Variants in CDCP2 observed in about 807,000 individuals in gnomAD.
CDCP2 encodes CUB domain-containing protein 2.
CDCP2 carries 31 observed loss-of-function variants against 31.0 expected under a neutral mutation model. The ratio of observed to expected loss-of-function variants is 1.00; its 90% CI spans 0.75 to 1.35. CDCP2 has a LOEUF of 1.35. CDCP2 is among the 40% of genes most tolerant of loss of function. The probability of loss-of-function intolerance (pLI) is 0.00; values close to 1 mark genes in which losing one functional copy is unlikely to be tolerated. For synonymous variants in CDCP2, 206 were observed against 207.9 expected (o/e 0.99, Z 0.08); for missense variants, 443 against 482.6 (o/e 0.92, Z 0.77).
intron 1 of CDCP2, among the ~76,000 whole-genome samples, chr1:54,152,140 G>A (rs2066092): frequency 0.68 from 103,035 of 151,966 alleles, 35,545 homozygotes; most frequent in Non-Finnish European, 0.74. Context: ...AGTGGGATGG[G>A]CAGCAGGGTC....
At chr1:54,148,613 C>G (rs1267997309) in intron 1 of CDCP2, among the ~76,000 whole-genome samples, 1 of 151,368 alleles carries the variant, frequency 6.6e-6, no homozygotes, top group Non-Finnish European at 1.5e-5. Flanking sequence ...GCTAGAGGAA[C>G]ATTTTAAGTA....
At chr1:54,133,212 T>C (rs1659195548) in exon 6 of CDCP2, 2 of 399,004 alleles carry the variant, frequency 5.0e-6, no homozygotes. Context: ...ACAGCGGACC[T>C]CGTACTCATG....
At chr1:54,151,583 A>G (rs9436480) in intron 1 of CDCP2, among the ~76,000 whole-genome samples, 13,649 of 152,156 alleles carry the variant, frequency 0.09, 645 homozygotes, top group South Asian at 0.14. Flanking sequence ...GCCAGAAAAT[A>G]GGAAAAGCTA....
At chr1:54,144,842 C>T in intron 1 of CDCP2, 29 bp from the exon 2 acceptor site, 1 of 1,560,190 alleles carries the variant, frequency 6.4e-7, no homozygotes, top group African/African-American at 1.4e-5. Context: ...ATGGCTGAGA[C>T]TCCGTGCTGG....
chr1:54,141,187 G>T lies in CDCP2; in HGVS notation c.674C>A (p.Thr225Asn), dbSNP rs761629088. ...CAGTTCGTGGCCCAGAGACACGAGG[G>T]TGGGGGGCCTGGTGCTGCCACAGTA... Residue 225 changes from threonine to asparagine, a missense_variant, in exon 3 of 6, where the codon ACC becomes AAC. By Grantham distance (65) the Thr-to-Asn change is moderately conservative (BLOSUM62 0). Transcript: ENST00000530059. 3.8e-6 allele frequency: 6 copies of T among 1,596,650 alleles called. No homozygotes were observed. The African/African-American group carries it at 6.7e-5, about 18-fold the overall frequency.
intron 4 of CDCP2, chr1:54,139,361 G>C (rs1300894389): frequency 3.2e-6 from 2 of 620,364 alleles, no homozygotes; most frequent in East Asian, 2.8e-5. Context: ...TACAAGCAGG[G>C]CTGGTAGACA....
chr1:54,145,046 C>T (rs1659440611), intron 1 of CDCP2, among the ~76,000 whole-genome samples: 1 of 152,124 alleles, frequency 6.6e-6, no homozygotes, highest in Non-Finnish European at 1.5e-5. Context: ...GCTGGGGTCA[C>T]AGCAGAAACA....
intron 2 of CDCP2, chr1:54,144,265 T>A: frequency 1.8e-6 from 1 of 563,120 alleles, no homozygotes; most frequent in East Asian, 3.0e-5. Context: ...CAGAGCAGCC[T>A]ACGTGCCAAG....
rs1354858247 is a variant in CDCP2 at position 54,139,710 on chromosome 1, TC to T, written c.1117+42del. 4.3e-6 allele frequency: 7 copies of T among 1,613,934 alleles called. No individual in the cohort carries two copies. The African/African-American group carries it at 9.3e-5, about 22-fold the overall frequency. On this transcript the variant is annotated intron_variant, in intron 4 of 5. Transcript: ENST00000530059. ...CTGCAAAGACTGAGGCTGCAAAGCC[TC>T]CCCTTCGCCCTCAGTGGACCCACTC...
chr1:54,135,464 T>C (rs1379264601), intron 5 of CDCP2, among the ~76,000 whole-genome samples: 1 of 152,244 alleles, frequency 6.6e-6, no homozygotes, highest in Non-Finnish European at 1.5e-5. Context: ...TCTGATTTTA[T>C]GTTTCCAAGA....
chr1:54,151,084 G>A (rs573439505), intron 1 of CDCP2, among the ~76,000 whole-genome samples: 7 of 152,300 alleles, frequency 4.6e-5, no homozygotes, highest in Non-Finnish European at 1.0e-4. Flanking sequence ...AAGATTTCCA[G>A]AGGGGGTGAT....
In CDCP2 at chr1:54,139,574, G is replaced by A. The variant is rs146735100; in HGVS notation, c.1117+179C>T. On this transcript the variant is annotated intron_variant, in intron 4 of 5. Transcript: ENST00000530059. ...AGTGGAAACAAGCGGGAGCCGTACC[G>A]TCCAGTCTTAGGGGTCCCGAGAGTG... 1.2e-3 allele frequency: 1,987 copies of A among 1,612,272 alleles called. 10 individuals are homozygous for A. The East Asian group carries it at 0.015, about 12-fold the overall frequency.
At position 54,139,856 on chromosome 1, in the gene CDCP2, G is replaced by T. The variant is rs200568186; in HGVS notation, c.1014C>A (p.His338Gln). Residue 338 changes from histidine (H) to glutamine (Q), a missense_variant, in exon 4 of 6, where the codon CAC becomes CAA. Physicochemically the swap from His to Gln is conservative, Grantham distance 24. Coordinates refer to ENST00000530059, the Ensembl canonical transcript of CDCP2. ...TTGAGGTCACGGGTGGTGGCAGGTG[G>T]TGTCCACACCAATTCCCCAGCAGGG... is the stretch of plus-strand genomic sequence containing the variant. The T allele has an allele frequency of 2.1e-5, 34 of 1,613,968 alleles. 1 individual carries two copies. Among genetic ancestry groups the T allele is most frequent in the African/African-American group, 4.0e-5 (3 of 74,940 alleles).
rs1557704243 is a variant in CDCP2 at position 54,133,309 on chromosome 1, G to A, written c.1297-15C>T. The A allele has an allele frequency of 5.0e-6, 2 of 399,026 alleles. No individual in the cohort carries two copies. The highest frequency in any genetic ancestry group is 3.6e-5 in the East Asian group (1 of 28,076). 24.7% of individuals were successfully genotyped at this position (399,026 alleles called of 1,614,324 possible). ...TTGTTTCTTCTCTGTGGGGTCACAG[G>A]GTACTCATCACACCTGAAGGAGCTT... On this transcript the variant is annotated splice_polypyrimidine_tract_variant and intron_variant, in intron 5 of 5. Coordinates refer to ENST00000530059, the Ensembl canonical transcript of CDCP2.
exon 3 of CDCP2, chr1:54,141,207 A>G (rs1309555870): frequency 2.0e-5 from 32 of 1,608,996 alleles, no homozygotes; most frequent in Non-Finnish European, 2.7e-5. Context: ...TGGTGCTGCC[A>G]CAGTAGTGGT....
rs115233557 is a variant in CDCP2, at chr1:54,140,761, T to G, written c.763+337A>C. 561 of 231,858 alleles carry G rather than the reference T, an allele frequency of 2.4e-3. 4 individuals carry two copies. The highest frequency in any genetic ancestry group is 0.012 in the African/African-American group (521 of 44,248). The allele number at this position is 231,858 out of a possible 1,614,324, so 14.4% of individuals were successfully genotyped here. A position where few individuals can be genotyped will look rare whatever the true frequency, so the allele number is the denominator to read the frequency against. The stretch of plus-strand genomic sequence containing the variant: ...GTACGAAAATTGAGTACCTACTATG[T>G]GCCAGGTACAAAGATAAGCCCATAA... On this transcript the variant is annotated intron_variant, in intron 3 of 5. Coordinates refer to ENST00000530059, the Ensembl canonical transcript of CDCP2.
At chr1:54,140,264 A>T in intron 3 of CDCP2, 158 bp from the exon 4 acceptor site, 1 of 638,860 alleles carries the variant, frequency 1.6e-6, no homozygotes, top group Non-Finnish European at 2.7e-6. Context: ...GATCCCAACT[A>T]TCTGAAAGTT....
At chr1:54,133,775 A>G (rs1443801368) in intron 5 of CDCP2, among the ~76,000 whole-genome samples, 1 of 152,074 alleles carries the variant, frequency 6.6e-6, no homozygotes, top group Non-Finnish European at 1.5e-5. Flanking sequence ...GTGCGCCTGT[A>G]GTCCCAGCTA....
intron 5 of CDCP2, among the ~76,000 whole-genome samples, chr1:54,135,467 T>C (rs768935343): frequency 2.0e-5 from 3 of 152,220 alleles, no homozygotes; most frequent in Non-Finnish European, 2.9e-5. Flanking sequence ...GATTTTATGT[T>C]TCCAAGATAC....
Sources: gnomAD v4.1 joint callset for allele counts (sites outside exome capture counted in the v4.1 genomes callset) on GRCh38, gnomAD v4.1.1 for gene constraint, MANE v1.5 for transcripts, NCBI Gene and HGNC (gene_info 2026-07-23, HGNC 2026-07-21) for gene names.